MYO5A: variants seen among roughly 807,000 people sequenced by gnomAD.
The protein encoded by MYO5A is unconventional myosin-Va.
Under a neutral mutation model 249.7 loss-of-function variants are expected in MYO5A, and 98 were observed. That is an observed-to-expected ratio of 0.39 (90% confidence interval 0.33 to 0.46). The LOEUF (loss-of-function observed/expected upper bound fraction) is 0.46, where lower values mean the gene tolerates loss of function less well. MYO5A is among the 20% of genes least tolerant of loss of function. MYO5A has a pLI of 0.98. For missense variants in MYO5A, 1,696 were observed against 2,308.8 expected (o/e 0.73, Z 5.44); for synonymous variants, 778 against 810.6 (o/e 0.96, Z 0.68).
chr15:52,409,894 A>G (rs2043175734), intron 6 of MYO5A, among the ~76,000 whole-genome samples: 1 of 152,028 alleles, frequency 6.6e-6, no homozygotes, highest in Non-Finnish European at 1.5e-5. Flanking sequence ...TTTTTTTTTA[A>G]CCCTCACTAT....
chr15:52,369,890 T>C (rs59277335), intron 22 of MYO5A, among the ~76,000 whole-genome samples: 1 of 141,944 alleles, frequency 7.0e-6, no homozygotes, highest in African/African-American at 3.0e-5. Flanking sequence ...TTTTTTTTTT[T>C]TTAATATACA....
rs1201832710 is a variant in MYO5A, at chr15:52,408,102, A to G, written c.795T>C (p.Leu265=). The change falls in exon 7 of 42, where the codon CTT becomes CTC. Residue 265 remains leucine (L), a synonymous_variant. Transcript: ENST00000399233. ...EERNYHIFYQ[L]CASAKLPEFK... ...ATTCAGGTAACTTTGCTGAGGCACAAAGCTGATAGAAGATATGATAGTTTC... is the reference window on the plus strand; with the variant it reads ...ATTCAGGTAACTTTGCTGAGGCACAGAGCTGATAGAAGATATGATAGTTTC... The G allele has an allele frequency of 1.2e-6, 2 of 1,608,038 alleles. No homozygotes were observed. Among genetic ancestry groups the G allele is most frequent in the East Asian group, 4.5e-5 (2 of 44,730 alleles).
chr15:52,453,846 A>G (rs565388075), intron 1 of MYO5A, among the ~76,000 whole-genome samples: 1 of 152,160 alleles, frequency 6.6e-6, no homozygotes, highest in Non-Finnish European at 1.5e-5. Context: ...TGGTAACTAC[A>G]AAGTAAAAAC....
intron 1 of MYO5A, among the ~76,000 whole-genome samples, chr15:52,472,200 G>A (rs1018113964): frequency 3.3e-5 from 5 of 151,376 alleles, no homozygotes; most frequent in Admixed American, 2.6e-4. Context: ...TGCCTCAGCC[G>A]CCCAAGTAGC....
Position 52,433,175 on chromosome 15 carries a change from C to A in MYO5A, c.138G>T (p.Lys46Asn), listed in dbSNP as rs776264175. ...ACAACAAATGAAAGTGAGATCTCAC[C>A]TTTCCTTCCTCGAGGTGAAGCAGGA... ...KVLLLHLEEG[K>N]DLEYHLDPKT... is the part of the protein sequence containing the mutation. The change falls in exon 2 of 42, where the codon AAG becomes AAT. Residue 46 changes from lysine to asparagine, a missense_variant and splice_region_variant. Physicochemically the swap from Lys to Asn is moderately conservative, Grantham distance 94 (BLOSUM62 0). Around this residue, in one of 5 missense-constraint regions of MYO5A, gnomAD observed 197 missense variants for 320.3 expected, o/e 0.62. Transcript: ENST00000399233. The A allele has an allele frequency of 5.0e-6, 8 of 1,597,302 alleles. No homozygotes were observed. In the African/African-American group the frequency reaches 5.4e-5, roughly 11 times the overall value.
intron 1 of MYO5A, among the ~76,000 whole-genome samples, chr15:52,525,721 TA>T (rs2077718642): frequency 6.6e-6 from 1 of 152,266 alleles, no homozygotes; most frequent in Non-Finnish European, 1.5e-5. Flanking sequence ...ATAATACTTC[TA>T]ATGATTTTCC....
chr15:52,376,304 A>C, intron 19 of MYO5A, 43 bp downstream of exon 19: 1 of 1,586,368 alleles, frequency 6.3e-7, no homozygotes, highest in Non-Finnish European at 8.6e-7. Context: ...TTGGTTGGAC[A>C]GTGAATTAGA....
intron 21 of MYO5A, 75 bp from the exon 22 acceptor site, chr15:52,370,492 A>AG (rs1157741776): frequency 7.0e-7 from 1 of 1,427,762 alleles, no homozygotes; most frequent in African/African-American, 1.4e-5. Flanking sequence ...AACCATGTTT[A>AG]TTCATCATAT....
intron 25 of MYO5A, among the ~76,000 whole-genome samples, chr15:52,354,969 A>C (rs1170938927): frequency 2.6e-5 from 4 of 152,252 alleles, no homozygotes; most frequent in African/African-American, 4.8e-5. Flanking sequence ...TTGTTAATAA[A>C]ACACAAACAT....
intron 1 of MYO5A, among the ~76,000 whole-genome samples, chr15:52,456,734 C>G (rs998586605): frequency 1.5e-4 from 23 of 152,042 alleles, no homozygotes; most frequent in African/African-American, 5.3e-4. Flanking sequence ...ACAGTCACCT[C>G]AATAGATGGT....
chr15:52,472,951 C>T (rs1413463457), intron 1 of MYO5A, among the ~76,000 whole-genome samples: 1 of 152,176 alleles, frequency 6.6e-6, no homozygotes, highest in Non-Finnish European at 1.5e-5. Flanking sequence ...AGTTCTAGAT[C>T]CTTGAGGAAT....
chr15:52,452,408 A>C (rs2076037371), intron 1 of MYO5A, among the ~76,000 whole-genome samples: 1 of 152,188 alleles, frequency 6.6e-6, no homozygotes, highest in African/African-American at 2.4e-5. Context: ...ACCTGACAGA[A>C]GACCTATCTT....
At position 52,313,592 on chromosome 15, in the gene MYO5A, T is replaced by G. The variant is rs1012972375; in HGVS notation, c.*104A>C. 2.2e-6 allele frequency: 3 copies of G among 1,378,994 alleles called. No homozygotes were observed. In the African/African-American group the frequency reaches 4.3e-5, roughly 20 times the overall value. The allele number at this position is 1,378,994 out of a possible 1,614,324, so 85.4% of individuals were successfully genotyped here. The stretch of plus-strand genomic sequence containing the variant: ...TAATGACTTCTCATTTGGGAGATAA[T>G]CAGTACTTTCTCTTTAAAAATGTAT... On this transcript the variant is annotated 3_prime_UTR_variant, in exon 42 of 42. Transcript: ENST00000399233.
Position 52,391,968 on chromosome 15 carries a change from T to C in MYO5A, c.1504A>G (p.Lys502Glu). The change falls in exon 12 of 42, where the codon AAA (lysine) becomes GAA (glutamate). Residue 502 changes from lysine (K) to glutamate (E), a missense_variant. This residue lies in a region of MYO5A where 277 missense variants were observed against 422.4 expected (regional missense o/e 0.66). Transcript: ENST00000399233. Reference sequence around the variant, plus strand: ...TCCAGTAAATCTAGAATGCCTAGTTTTGATTCTATAAGATTAATACAAGGC... The same window carrying C: ...TCCAGTAAATCTAGAATGCCTAGTTCTGATTCTATAAGATTAATACAAGGC... ...NQPCINLIES[K>E]LGILDLLDEE... 1 of 1,613,120 alleles carries C rather than the reference T, an allele frequency of 6.2e-7. No individual in the cohort carries two copies. The highest frequency in any genetic ancestry group is 2.2e-5 in the East Asian group (1 of 44,808).
intron 1 of MYO5A, among the ~76,000 whole-genome samples, chr15:52,472,905 C>T (rs2076506929): frequency 6.6e-6 from 1 of 152,160 alleles, no homozygotes; most frequent in Admixed American, 6.5e-5. Flanking sequence ...TGGGTATATA[C>T]CCAGTAATGG....
At position 52,383,181 on chromosome 15, in the gene MYO5A, T is replaced by C. The variant is rs375656230; in HGVS notation, c.1922A>G (p.Asn641Ser). ...HKKTVGHQFRNSLHLLMETLN... is the reference protein window; with the variant it reads ...HKKTVGHQFRSSLHLLMETLN... ...TGTCTCCATAAGCAGGTGCAGGGAG[T>C]TTCTGAACTGCATGAAAAAGGGCAG... is the stretch of plus-strand genomic sequence containing the variant. Residue 641 changes from asparagine (N) to serine (S), a missense_variant, in exon 16 of 42, where the codon AAC becomes AGC. This residue lies in a region of MYO5A where 277 missense variants were observed against 422.4 expected (regional missense o/e 0.66). Coordinates refer to ENST00000399233, the MANE Select transcript of MYO5A (RefSeq NM_001382347.1). 1.2e-6 allele frequency: 2 copies of C among 1,612,212 alleles called. No individual in the cohort carries two copies. Among genetic ancestry groups the C allele is most frequent in the Admixed American group, 3.3e-5 (2 of 59,912 alleles).
chr15:52,494,472 A>G (rs1327180220), intron 1 of MYO5A, among the ~76,000 whole-genome samples: 1 of 152,126 alleles, frequency 6.6e-6, no homozygotes, highest in Non-Finnish European at 1.5e-5. Context: ...TGATTAAATA[A>G]AAGATCTAAT....
intron 1 of MYO5A, among the ~76,000 whole-genome samples, chr15:52,473,313 G>T (rs181896195): frequency 1.3e-5 from 2 of 152,188 alleles, no homozygotes; most frequent in African/African-American, 2.4e-5. Flanking sequence ...CAGATGGACA[G>T]GTTGCAAAAA....
chr15:52,444,237 G>C (rs1288728366), intron 1 of MYO5A, among the ~76,000 whole-genome samples: 1 of 152,086 alleles, frequency 6.6e-6, no homozygotes, highest in African/African-American at 2.4e-5. Flanking sequence ...CACTTCTTAA[G>C]AACAGTGTTA....
Sources: gnomAD v4.1 joint callset for allele counts (sites outside exome capture counted in the v4.1 genomes callset) on GRCh38, gnomAD v4.1.1 for gene constraint, gnomAD v4.1.1 regional missense constraint, MANE v1.5 for transcripts, NCBI Gene and HGNC (gene_info 2026-07-23, HGNC 2026-07-21) for gene names.